The following SOS1 variants were observed in gnomAD, a reference collection of about 807,000 sequenced individuals.
The protein encoded by SOS1 is son of sevenless homolog 1.
A neutral mutation model predicts 157.6 loss-of-function variants in SOS1; 25 were observed. That is an observed-to-expected ratio of 0.16 (90% CI 0.12 to 0.22). The LOEUF is 0.22. Ranked by LOEUF, SOS1 falls within the 10% of genes least tolerant of loss-of-function variation. The pLI, the probability that SOS1 is intolerant of heterozygous loss-of-function variation, is 1.00. For synonymous variants in SOS1, 528 were observed against 534.0 expected (o/e 0.99, Z 0.16); for missense variants, 1,237 against 1,599.1 (o/e 0.77, Z 3.86).
chr2:39,102,038 T>C (rs1163486316), intron 1 of SOS1, among the ~76,000 whole-genome samples: 2 of 150,604 alleles, frequency 1.3e-5, no homozygotes, highest in East Asian at 3.9e-4. Context: ...AAACCCCATC[T>C]CTACTAAAAA....
At chr2:39,055,958 T>G (rs755164995) in intron 4 of SOS1, among the ~76,000 whole-genome samples, 1 of 152,180 alleles carries the variant, frequency 6.6e-6, no homozygotes, top group Non-Finnish European at 1.5e-5. Flanking sequence ...AAGCCACATA[T>G]ATGCTTAACC....
intron 6 of SOS1, among the ~76,000 whole-genome samples, chr2:39,048,206 T>C (rs1418735541): frequency 6.6e-6 from 1 of 152,196 alleles, no homozygotes; most frequent in Non-Finnish European, 1.5e-5. Context: ...TATGCTTTCT[T>C]CTACAAACTT....
intron 8 of SOS1, among the ~76,000 whole-genome samples, chr2:39,025,820 C>T (rs1669942733): frequency 6.6e-6 from 1 of 152,192 alleles, no homozygotes; most frequent in South Asian, 2.1e-4. Flanking sequence ...ACCACATGCA[C>T]TGATGACCTG....
chr2:39,064,022 C>T (rs1319399789), intron 2 of SOS1, among the ~76,000 whole-genome samples: 1 of 152,008 alleles, frequency 6.6e-6, no homozygotes, highest in Non-Finnish European at 1.5e-5. Flanking sequence ...TTAGTAAAGA[C>T]AGGGTTTTGC....
chr2:39,073,853 T>C (rs997727835), intron 1 of SOS1, among the ~76,000 whole-genome samples: 10 of 152,234 alleles, frequency 6.6e-5, no homozygotes. Flanking sequence ...TTCTAAATTA[T>C]GCTCTGTCAT....
At chr2:39,006,677 T>G (rs925014075) in intron 16 of SOS1, 148 bp from the exon 17 acceptor site, 5 of 671,618 alleles carry the variant, frequency 7.4e-6, no homozygotes, top group Non-Finnish European at 1.3e-5. Flanking sequence ...TTCAAATAAA[T>G]TATCTTCATA....
intron 21 of SOS1, among the ~76,000 whole-genome samples, chr2:38,988,403 AAAC>A (rs1310136225): frequency 1.3e-5 from 2 of 152,194 alleles, no homozygotes; most frequent in Non-Finnish European, 2.9e-5. Context: ...ACACTTTGGA[AAAC>A]AACACTTAAG....
intron 6 of SOS1, among the ~76,000 whole-genome samples, chr2:39,038,750 T>G (rs1456867297): frequency 2.3e-4 from 4 of 17,526 alleles, no homozygotes; most frequent in Non-Finnish European, 2.7e-4. Context: ...AAAAAAAAAG[T>G]CGTTTCTTGA....
intron 6 of SOS1, among the ~76,000 whole-genome samples, chr2:39,039,588 T>C (rs541133632): frequency 6.6e-6 from 1 of 152,364 alleles, no homozygotes; most frequent in East Asian, 1.9e-4. Context: ...CTTCTGAGAA[T>C]TGTTTATTAA....
intron 1 of SOS1, among the ~76,000 whole-genome samples, chr2:39,074,136 G>A (rs1053488820): frequency 6.6e-6 from 1 of 152,042 alleles, no homozygotes; most frequent in Non-Finnish European, 1.5e-5. Context: ...GATCACCTGA[G>A]ATCACGAGTT....
At chr2:39,029,455 G>A (rs1245572298) in intron 8 of SOS1, among the ~76,000 whole-genome samples, 1 of 151,932 alleles carries the variant, frequency 6.6e-6, no homozygotes. Context: ...GCCAGATGCC[G>A]TCTCTACCAG....
At chr2:39,105,887 G>T (rs1673157063) in intron 1 of SOS1, among the ~76,000 whole-genome samples, 1 of 151,924 alleles carries the variant, frequency 6.6e-6, no homozygotes, top group Non-Finnish European at 1.5e-5. Flanking sequence ...GCGACAGGGT[G>T]AGACTCTGTC....
At chr2:39,007,251 C>G in intron 15 of SOS1, 58 bp from the exon 16 acceptor site, 1 of 1,094,158 alleles carries the variant, frequency 9.1e-7, no homozygotes, top group Non-Finnish European at 1.4e-6. Context: ...AAAGTTATAG[C>G]TTAAAGAATT....
intron 6 of SOS1, among the ~76,000 whole-genome samples, chr2:39,043,491 G>C (rs573239893): frequency 9.2e-5 from 14 of 152,292 alleles, no homozygotes; most frequent in African/African-American, 3.4e-4. Context: ...ATTTGCAAAA[G>C]AGTAACTGTT....
In SOS1 at chr2:38,984,616, C is replaced by T. The variant is rs1353571918; in HGVS notation, c.*1208G>A. 1.3e-5 allele frequency: 2 copies of T among 152,128 alleles called. No homozygotes were observed. Among genetic ancestry groups the T allele is most frequent in the Non-Finnish European group, 2.9e-5 (2 of 68,022 alleles). 9.4% of individuals were successfully genotyped at this position (152,128 alleles called of 1,614,324 possible). On this transcript the variant is annotated 3_prime_UTR_variant, in exon 23 of 23. Transcript: ENST00000402219. Reference sequence around the variant, plus strand: ...TAATACATATATCCAGAACTAGAAACCAAGGCGTACCACAAAACGTGCTTT... The same window carrying T: ...TAATACATATATCCAGAACTAGAAATCAAGGCGTACCACAAAACGTGCTTT...
At chr2:39,071,583 G>T (rs1176366176) in intron 1 of SOS1, among the ~76,000 whole-genome samples, 8 of 152,118 alleles carry the variant, frequency 5.3e-5, no homozygotes, top group African/African-American at 1.9e-4. Flanking sequence ...ATGTTAAAAT[G>T]AAAGTATTTC....
chr2:39,122,443 A>AAT (rs779997776), upstream of SOS1, among the ~76,000 whole-genome samples: 7 of 58,472 alleles, frequency 1.2e-4, no homozygotes, highest in African/African-American at 5.3e-4. Flanking sequence ...TTCAAAAAAA[A>AAT]ATATACACAC....
intron 1 of SOS1, among the ~76,000 whole-genome samples, chr2:39,092,765 T>C (rs1202999811): frequency 6.6e-6 from 1 of 152,196 alleles, no homozygotes; most frequent in African/African-American, 2.4e-5. Context: ...CTAAAAGAAA[T>C]CTGAAAGCGT....
chr2:39,112,897 C>A (rs866493391), intron 1 of SOS1, among the ~76,000 whole-genome samples: 1 of 151,902 alleles, frequency 6.6e-6, no homozygotes, highest in Non-Finnish European at 1.5e-5. Context: ...AGATTAGCTG[C>A]GTGTGATGGA....
Sources: allele counts gnomAD v4.1 joint callset (sites outside exome capture counted in the v4.1 genomes callset), GRCh38; gene constraint gnomAD v4.1.1; transcripts MANE v1.5; gene names NCBI Gene and HGNC (gene_info 2026-07-23, HGNC 2026-07-21).